The following DOCK9 variants were observed in gnomAD, a reference collection of about 807,000 sequenced individuals.
DOCK9 encodes the protein dedicator of cytokinesis 9.
A neutral mutation model predicts 263.3 loss-of-function variants in DOCK9; 89 were observed. That is an observed-to-expected ratio of 0.34 (90% CI 0.28 to 0.40). DOCK9 has a LOEUF of 0.40. DOCK9 is among the 10% of genes least tolerant of loss of function. The probability of loss-of-function intolerance (pLI) is 1.00; values close to 1 mark genes in which losing one functional copy is unlikely to be tolerated. For synonymous variants in DOCK9, 976 were observed against 973.1 expected, an observed-to-expected ratio of 1.00 and a Z score of -0.06; for missense variants, 2,140 against 2,603.4, an observed-to-expected ratio of 0.82 and a Z score of 3.87.
At chr13:99,008,603 G>A (rs986583160) in intron 1 of DOCK9, among the ~76,000 whole-genome samples, 6 of 152,172 alleles carry the variant, frequency 3.9e-5, no homozygotes, top group Non-Finnish European at 8.8e-5. Flanking sequence ...TACTCTACTT[G>A]TATCTTAGTC....
intron 49 of DOCK9, 119 bp downstream of exon 49, chr13:98,804,880 T>G: frequency 1.1e-6 from 1 of 932,598 alleles, no homozygotes; most frequent in Non-Finnish European, 1.6e-6. Flanking sequence ...CTGAAATGGG[T>G]GTGGGGGTGG....
upstream of DOCK9, among the ~76,000 whole-genome samples, chr13:98,981,992 G>C (rs1274857109): frequency 6.6e-6 from 1 of 152,086 alleles, no homozygotes; most frequent in African/African-American, 2.4e-5. Context: ...TACTAACCTT[G>C]AGTTCCTTCA....
intron 47 of DOCK9, among the ~76,000 whole-genome samples, chr13:98,808,854 T>C (rs1325705873): frequency 6.6e-6 from 1 of 152,198 alleles, no homozygotes; most frequent in Non-Finnish European, 1.5e-5. Flanking sequence ...TCTGAAAAAC[T>C]GTAAATATAC....
At position 98,885,699 on chromosome 13, in the gene DOCK9, C is replaced by T. The variant is rs373649201; in HGVS notation, c.2260+9G>A. The T allele has an allele frequency of 8.7e-6, 14 of 1,603,268 alleles. No homozygotes were observed. The highest frequency in any genetic ancestry group is 3.4e-5 in the South Asian group (3 of 88,374). ...ATTTAAAATCAAAGGAATGGTAAGC[C>T]CCCCCAACCTTGGGTTTCAACGACA... On this transcript the variant is annotated intron_variant, in intron 20 of 52. Transcript: ENST00000682017.
chr13:99,072,361 A>G (rs756116389), intron 1 of DOCK9, among the ~76,000 whole-genome samples: 2 of 152,192 alleles, frequency 1.3e-5, no homozygotes, highest in Non-Finnish European at 2.9e-5. Context: ...GGGAACAAGT[A>G]GACCACTTCA....
intron 2 of DOCK9, among the ~76,000 whole-genome samples, chr13:98,935,133 A>T (rs1171420794): frequency 6.6e-6 from 1 of 152,230 alleles, no homozygotes; most frequent in African/African-American, 2.4e-5. Flanking sequence ...ACACTGAGGG[A>T]AAGCTAAAAT....
At position 99,071,426 on chromosome 13, in the gene DOCK9, G is replaced by A. The variant is rs118001983; in HGVS notation, c.129+14797C>T. ...GCTGCAATTACAGGCGTGAGTCACT[G>A]TGCCCTGCTATTACACTCTATTCTT... On this transcript the variant is annotated intron_variant, in intron 1 of 32. Coordinates refer to the DOCK9 transcript ENST00000427887. Among the ~76,000 whole-genome samples, 38 of 149,286 alleles carry A rather than the reference G, an allele frequency of 2.5e-4. 1 individual carries two copies. The East Asian group carries it at 7.6e-3, about 30-fold the overall frequency.
At chr13:98,999,316 A>ACACACACACACACACTCTCT in intron 1 of DOCK9, among the ~76,000 whole-genome samples, 2,518 of 138,210 alleles carry the variant, frequency 0.018, 47 homozygotes, top group East Asian at 0.049. Context: ...ACACACACAC[A>ACACACACACACACACTCTCT]CTCTCTCTCT....
intron 1 of DOCK9, among the ~76,000 whole-genome samples, chr13:99,023,635 T>G (rs118092231): frequency 2.0e-5 from 3 of 152,228 alleles, no homozygotes; most frequent in African/African-American, 4.8e-5. Context: ...ATAAATCTTA[T>G]GTTACAGGTA....
At chr13:98,910,815 CTT>C (rs1047253115) in intron 9 of DOCK9, among the ~76,000 whole-genome samples, 2 of 152,150 alleles carry the variant, frequency 1.3e-5, no homozygotes, top group African/African-American at 4.8e-5. Context: ...ATACTGACCT[CTT>C]TACCTCTTCA....
chr13:99,069,092 A>G (rs2041558742), intron 1 of DOCK9, among the ~76,000 whole-genome samples: 1 of 152,228 alleles, frequency 6.6e-6, no homozygotes, highest in Non-Finnish European at 1.5e-5. Flanking sequence ...GACCTAGATT[A>G]ACAGAGCTTA....
chr13:99,084,674 T>C (rs1268870531), intron 1 of DOCK9, among the ~76,000 whole-genome samples: 2 of 152,230 alleles, frequency 1.3e-5, no homozygotes, highest in African/African-American at 4.8e-5. Context: ...CACGGCTTAT[T>C]AAACCAGTAC....
intron 36 of DOCK9, among the ~76,000 whole-genome samples, chr13:98,849,371 A>G (rs1272101651): frequency 6.6e-6 from 1 of 152,164 alleles, no homozygotes; most frequent in Non-Finnish European, 1.5e-5. Context: ...AATAATAGAC[A>G]TAAAGCTACT....
intron 49 of DOCK9, among the ~76,000 whole-genome samples, chr13:98,802,551 G>A (rs185211960): frequency 3.3e-5 from 5 of 152,324 alleles, no homozygotes; most frequent in African/African-American, 4.8e-5. Context: ...AATAGTGACT[G>A]GGAAGAAACT....
intron 15 of DOCK9, among the ~76,000 whole-genome samples, chr13:98,895,378 C>T (rs771201543): frequency 1.1e-4 from 16 of 151,556 alleles, no homozygotes; most frequent in Non-Finnish European, 1.8e-4. Context: ...AAAAATGTTC[C>T]CCCCTAGGCT....
chr13:98,983,614 A>AT (rs1320258798), intron 1 of DOCK9, among the ~76,000 whole-genome samples: 2 of 135,092 alleles, frequency 1.5e-5, no homozygotes, highest in South Asian at 2.7e-4. Context: ...CTCAATTATT[A>AT]TTATTATTAT....
intron 10 of DOCK9, among the ~76,000 whole-genome samples, chr13:98,904,247 T>TA (rs1187102785): frequency 1.3e-5 from 2 of 152,238 alleles, no homozygotes; most frequent in Admixed American, 6.5e-5. Flanking sequence ...TACTTATCGT[T>TA]AGAGTTAAAT....
chr13:98,979,180 A>AG (rs1876236809), upstream of DOCK9, among the ~76,000 whole-genome samples: 23 of 132,812 alleles, frequency 1.7e-4, no homozygotes, highest in South Asian at 5.4e-4. Flanking sequence ...AGCAGCAGCA[A>AG]TAGTAGTAGT....
At chr13:98,987,988 G>A (rs1182704443) in intron 1 of DOCK9, among the ~76,000 whole-genome samples, 1 of 152,000 alleles carries the variant, frequency 6.6e-6, no homozygotes. Context: ...AAAATTTAAT[G>A]TTAACAGTAG....
Sources: gnomAD v4.1 joint callset for allele counts (sites outside exome capture counted in the v4.1 genomes callset) on GRCh38, gnomAD v4.1.1 for gene constraint, MANE v1.5 for transcripts, NCBI Gene and HGNC (gene_info 2026-07-23, HGNC 2026-07-21) for gene names.